SYNRG: variants seen among roughly 807,000 people sequenced by gnomAD.
SYNRG encodes synergin gamma, also known as AP1 gamma subunit binding protein 1.
Under a neutral mutation model 130.9 loss-of-function variants are expected in SYNRG, and 37 were observed. That is an observed-to-expected ratio of 0.28 (90% CI 0.22 to 0.37). The LOEUF (loss-of-function observed/expected upper bound fraction) is 0.37. SYNRG is among the 10% of genes least tolerant of loss of function. The pLI is 1.00. For synonymous variants in SYNRG, 539 were observed against 568.1 expected (o/e 0.95, Z 0.73); for missense variants, 1,338 against 1,588.9 (o/e 0.84, Z 2.68).
chr17:37,572,745 A>C (rs1049724990), intron 8 of SYNRG, among the ~76,000 whole-genome samples: 26 of 152,332 alleles, frequency 1.7e-4, no homozygotes, highest in Admixed American at 1.4e-3. Flanking sequence ...GCCTTTAAGG[A>C]AAGACCCAGT....
At position 37,554,595 on chromosome 17, in the gene SYNRG, T is replaced by C. The variant is rs190113998; in HGVS notation, c.1664-536A>G. 2.9e-3 allele frequency among the ~76,000 whole-genome samples: 435 copies of C among 152,326 alleles called. 3 individuals are homozygous for C. Among genetic ancestry groups the C allele is most frequent in the African/African-American group, 9.9e-3 (413 of 41,576 alleles). On this transcript the variant is annotated intron_variant, in intron 13 of 21. Transcript: ENST00000612223. ...ACTTTAAGAATAACATTAGATACTA[T>C]GTGGTCTTGCTCAAGTAAATGAAGG...
intron 18 of SYNRG, chr17:37,536,420 T>C (rs889987384): frequency 1.3e-5 from 5 of 387,890 alleles, no homozygotes; most frequent in African/African-American, 1.0e-4. Flanking sequence ...ATCTGTGAAG[T>C]TGGGATGGTA....
In SYNRG at chr17:37,553,733, A is replaced by G. The variant is rs140955753; in HGVS notation, c.1990T>C (p.Ser664Pro). The change falls in exon 14 of 22, where the codon TCT becomes CCT. Residue 664 changes from serine to proline, a missense_variant. Coordinates refer to ENST00000612223, the MANE Select transcript of SYNRG (RefSeq NM_007247.6). ...TMTALAATKT[S>P]SLADDFGEFS... Reference sequence around the variant, plus strand: ...TCTCCAAAATCATCAGCCAAACTAGAAGTTTTTGTTGCTGCCAATGCTGTC... The same window carrying G: ...TCTCCAAAATCATCAGCCAAACTAGGAGTTTTTGTTGCTGCCAATGCTGTC... 4 of 1,613,294 alleles carry G rather than the reference A, an allele frequency of 2.5e-6. No homozygotes were observed. Among genetic ancestry groups the G allele is most frequent in the Admixed American group, 3.4e-5 (2 of 59,698 alleles).
intron 2 of SYNRG, among the ~76,000 whole-genome samples, chr17:37,599,587 GGT>G (rs1363004788): frequency 1.3e-5 from 2 of 152,122 alleles, no homozygotes; most frequent in Non-Finnish European, 2.9e-5. Context: ...CAGGCGTGGT[GGT>G]ATGCACCTGT....
intron 14 of SYNRG, among the ~76,000 whole-genome samples, chr17:37,551,261 CTACAA>C (rs944858801): frequency 6.6e-6 from 1 of 152,194 alleles, no homozygotes; most frequent in Non-Finnish European, 1.5e-5. Flanking sequence ...CATTTACCCT[CTACAA>C]TACATTGATG....
chr17:37,587,225 C>G (rs1026397509), intron 3 of SYNRG, among the ~76,000 whole-genome samples: 1 of 152,202 alleles, frequency 6.6e-6, no homozygotes, highest in Non-Finnish European at 1.5e-5. Context: ...CAACTCACTG[C>G]AGCCTCCAAC....
At chr17:37,579,156 C>G (rs966206848) in intron 6 of SYNRG, 1 of 1,202,834 alleles carries the variant, frequency 8.3e-7, no homozygotes, top group Non-Finnish European at 1.1e-6. Context: ...CTGTGTGAGG[C>G]TGAAGCAGTA....
At chr17:37,528,463 GTAA>G (rs1333084694) in intron 19 of SYNRG, among the ~76,000 whole-genome samples, 11 of 152,176 alleles carry the variant, frequency 7.2e-5, no homozygotes, top group Admixed American at 7.2e-4. Context: ...AGTAGTAGTA[GTAA>G]TAATAGTAAT....
chr17:37,571,533 G>C (rs1056410455), intron 9 of SYNRG, among the ~76,000 whole-genome samples: 7 of 152,184 alleles, frequency 4.6e-5, no homozygotes, highest in Admixed American at 2.6e-4. Context: ...AGTGAGCTGA[G>C]ATCTCGCCAC....
intron 1 of SYNRG, chr17:37,606,149 A>G: frequency 3.0e-6 from 1 of 330,430 alleles, no homozygotes; most frequent in Non-Finnish European, 4.3e-6. Context: ...GTTTTATCTC[A>G]CAAAACTCTT....
intron 19 of SYNRG, among the ~76,000 whole-genome samples, chr17:37,532,316 C>T (rs777956383): frequency 1.8e-4 from 27 of 152,168 alleles, no homozygotes; most frequent in Non-Finnish European, 3.2e-4. Flanking sequence ...ATGTAGTCCA[C>T]ATTTTACCAC....
intron 3 of SYNRG, among the ~76,000 whole-genome samples, chr17:37,593,412 CAAAA>C (rs1225881918): frequency 6.6e-6 from 1 of 150,434 alleles, no homozygotes; most frequent in East Asian, 2.0e-4. Context: ...GACTCTGTCT[CAAAA>C]AAAAGACTAA....
At chr17:37,554,871 T>A (rs1287671017) in intron 13 of SYNRG, among the ~76,000 whole-genome samples, 1 of 152,084 alleles carries the variant, frequency 6.6e-6, no homozygotes, top group Non-Finnish European at 1.5e-5. Flanking sequence ...TTATATAAAG[T>A]TTTAGAGGGT....
chr17:37,608,391 G>A (rs2064006035), intron 1 of SYNRG, among the ~76,000 whole-genome samples: 1 of 152,330 alleles, frequency 6.6e-6, no homozygotes, highest in Middle Eastern at 3.4e-3. Context: ...GCTGTTGTGT[G>A]TTGGTTAGTA....
rs775412843 is a variant in SYNRG at position 37,520,217 on chromosome 17, G to A, written c.3778-3C>T. 6.2e-6 allele frequency: 10 copies of A among 1,614,026 alleles called. No homozygotes were observed. The African/African-American group carries it at 1.3e-4, about 22-fold the overall frequency. On this transcript the variant is annotated splice_polypyrimidine_tract_variant and splice_region_variant and intron_variant, in intron 20 of 21. Coordinates refer to ENST00000612223, the MANE Select transcript of SYNRG (RefSeq NM_007247.6). ...TCTTCTGCAGGCTTCTCTTCTTTCT[G>A]AAATAACGTTGAAACCACAGGTCAA...
chr17:37,570,716 C>T lies in SYNRG; in HGVS notation c.1268G>A (p.Gly423Asp), dbSNP rs1202349245. The T allele has an allele frequency of 6.2e-7, 1 of 1,614,092 alleles. No homozygotes were observed. Among genetic ancestry groups the T allele is most frequent in the East Asian group, 2.2e-5 (1 of 44,900 alleles). The change falls in exon 10 of 22, where the codon GGC becomes GAC. Residue 423 changes from glycine (G) to aspartate (D), a missense_variant. By Grantham distance (94) the Gly-to-Asp change is moderately conservative. Around this residue, in one of 3 missense-constraint regions of SYNRG, gnomAD observed 1,146 missense variants for 1,342.3 expected, o/e 0.85. Coordinates refer to ENST00000612223, the MANE Select transcript of SYNRG (RefSeq NM_007247.6). ...MPLSLGQPVM[G>D]INLVGPVGGA... ...ACCCACTGGTCCAACAAGGTTAATG[C>T]CCATGACTGGCTGTCCAAGGCTGAG...
intron 3 of SYNRG, among the ~76,000 whole-genome samples, chr17:37,590,832 A>G (rs1362518981): frequency 1.3e-5 from 2 of 152,058 alleles, no homozygotes; most frequent in Non-Finnish European, 2.9e-5. Context: ...AGGCAGGAGA[A>G]TTGCTTGAAC....
intron 13 of SYNRG, among the ~76,000 whole-genome samples, chr17:37,559,417 T>C (rs2059359364): frequency 6.6e-6 from 1 of 152,088 alleles, no homozygotes; most frequent in Non-Finnish European, 1.5e-5. Flanking sequence ...TGGCCAAGTG[T>C]GGTGGCTCAC....
chr17:37,564,656 C>A (rs2059787639), intron 11 of SYNRG, among the ~76,000 whole-genome samples: 1 of 152,208 alleles, frequency 6.6e-6, no homozygotes, highest in Non-Finnish European at 1.5e-5. Flanking sequence ...TGCCCATTTT[C>A]TGTCCAAAAT....
Sources: allele counts gnomAD v4.1 joint callset (sites outside exome capture counted in the v4.1 genomes callset), GRCh38; gene constraint gnomAD v4.1.1; regional missense constraint gnomAD v4.1.1; transcripts MANE v1.5; gene names NCBI Gene and HGNC (gene_info 2026-07-23, HGNC 2026-07-21).